The following STK32C variants were observed in gnomAD, a reference collection of about 807,000 sequenced individuals.
STK32C encodes serine/threonine-protein kinase 32C.
In STK32C, 31 loss-of-function variants were observed where a neutral mutation model predicts 56.5. The ratio of observed to expected loss-of-function variants is 0.55; its 90% CI spans 0.41 to 0.74. The LOEUF (loss-of-function observed/expected upper bound fraction) is 0.74, where lower values mean the gene tolerates loss of function less well. Ranked by LOEUF, STK32C falls within the 30% of genes least tolerant of loss-of-function variation. STK32C has a pLI of 0.00. For missense variants in STK32C, 544 were observed against 676.9 expected (o/e 0.80, Z 2.18); for synonymous variants, 309 against 289.4 (o/e 1.07, Z -0.69).
chr10:132,271,920 G>A (rs1590346957), intron 1 of STK32C, among the ~76,000 whole-genome samples: 1 of 152,236 alleles, frequency 6.6e-6, no homozygotes, highest in East Asian at 1.9e-4. Flanking sequence ...CCACTGCTCA[G>A]TGCCCGGACG....
chr10:132,285,457 G>A (rs904003190), intron 1 of STK32C, among the ~76,000 whole-genome samples: 1 of 152,198 alleles, frequency 6.6e-6, no homozygotes, highest in Non-Finnish European at 1.5e-5. Flanking sequence ...CTATATATTT[G>A]TAAAAGATGT....
At chr10:132,236,144 G>A (rs1269525072) in intron 2 of STK32C, among the ~76,000 whole-genome samples, 3 of 150,674 alleles carry the variant, frequency 2.0e-5, no homozygotes, top group South Asian at 4.2e-4. Context: ...TGCTTCCGTG[G>A]CCCCAAAGCC....
Position 132,212,020 on chromosome 10 carries a change from G to C in STK32C, c.1252-2919C>G, listed in dbSNP as rs184926743. Among the ~76,000 whole-genome samples, 1,129 of 152,190 alleles carry C rather than the reference G, an allele frequency of 7.4e-3. 14 individuals are homozygous for C. The highest frequency in any genetic ancestry group is 0.011 in the Non-Finnish European group (757 of 68,008). ...TCGGACCCCAGATGTCACCCACAGC[G>C]AGGAGGGGCCTGGGAAATGGAGCAG... is the stretch of plus-strand genomic sequence containing the variant. On this transcript the variant is annotated intron_variant, in intron 10 of 11. Transcript: ENST00000298630.
chr10:132,239,679 C>T lies in STK32C; in HGVS notation c.318+6221G>A, dbSNP rs372950780. Among the ~76,000 whole-genome samples the T allele has an allele frequency of 1.3e-4, 20 of 152,344 alleles. No homozygotes were observed. The East Asian group carries it at 2.1e-3, about 16-fold the overall frequency. ...GCAGTGACTGCAGCAGCCCCTGCCC[C>T]GGGAGCCCGGCAGCAGGCCAGCAGA... is the stretch of plus-strand genomic sequence containing the variant. On this transcript the variant is annotated intron_variant, in intron 2 of 11. Transcript: ENST00000298630.
At chr10:132,212,713 AAC>A (rs1447946402) in intron 10 of STK32C, among the ~76,000 whole-genome samples, 3 of 152,268 alleles carry the variant, frequency 2.0e-5, no homozygotes, top group South Asian at 2.1e-4. Context: ...CCGACGAAGA[AAC>A]ACAGAGACGA....
At chr10:132,273,528 T>C (rs1473937397) in intron 1 of STK32C, among the ~76,000 whole-genome samples, 1 of 150,886 alleles carries the variant, frequency 6.6e-6, no homozygotes, top group African/African-American at 2.5e-5. Context: ...GAATGGGGAG[T>C]TAGCAAATGA....
intron 1 of STK32C, chr10:132,248,915 AG>A: frequency 4.4e-6 from 2 of 455,752 alleles, no homozygotes; most frequent in Admixed American, 4.7e-5. Flanking sequence ...AATAAGCACA[AG>A]TTCCCAAGGT....
rs774419162 is a variant in STK32C at position 132,245,882 on chromosome 10, C to T, written c.318+18G>A. ...CCCTGCCCCCTCAGCCCAGTCCCCA[C>T]CCCAGGCCCTGCCTTACCTTGCCAA... On this transcript the variant is annotated intron_variant, in intron 2 of 11. Transcript: ENST00000298630. 2.5e-6 allele frequency: 4 copies of T among 1,611,274 alleles called. No individual in the cohort carries two copies. Among genetic ancestry groups the T allele is most frequent in the Non-Finnish European group, 8.5e-7 (1 of 1,179,782 alleles).
At chr10:132,302,876 G>A (rs748547161) in intron 1 of STK32C, among the ~76,000 whole-genome samples, 3 of 152,146 alleles carry the variant, frequency 2.0e-5, no homozygotes, top group Non-Finnish European at 4.4e-5. Flanking sequence ...AGGAAAGAAC[G>A]AGGCAAAACC....
At chr10:132,270,116 C>T (rs1000128260) in intron 1 of STK32C, among the ~76,000 whole-genome samples, 2 of 152,242 alleles carry the variant, frequency 1.3e-5, no homozygotes, top group African/African-American at 4.8e-5. Context: ...GCAGCACCCA[C>T]GTGAGGAGGA....
At chr10:132,284,766 T>G (rs1488852567) in intron 1 of STK32C, among the ~76,000 whole-genome samples, 1 of 148,342 alleles carries the variant, frequency 6.7e-6, no homozygotes, top group African/African-American at 2.5e-5. Context: ...CAGAACACAT[T>G]CCCACGTCTG....
At chr10:132,251,154 G>C (rs1209288107) in intron 1 of STK32C, among the ~76,000 whole-genome samples, 2 of 152,168 alleles carry the variant, frequency 1.3e-5, no homozygotes, top group South Asian at 4.1e-4. Context: ...GCCACCATGT[G>C]GTCACCCAAC....
intron 1 of STK32C, among the ~76,000 whole-genome samples, chr10:132,266,136 C>T (rs1192577567): frequency 6.6e-6 from 1 of 152,154 alleles, no homozygotes; most frequent in Non-Finnish European, 1.5e-5. Context: ...GATGGAATAC[C>T]ACTAGGGGAC....
At chr10:132,280,823 T>C (rs2065173051) in intron 1 of STK32C, among the ~76,000 whole-genome samples, 1 of 141,988 alleles carries the variant, frequency 7.0e-6, no homozygotes, top group Non-Finnish European at 1.5e-5. Context: ...CTGCGCTCCA[T>C]GACCATGTCC....
At chr10:132,280,318 C>A (rs776692345) in intron 1 of STK32C, among the ~76,000 whole-genome samples, 9 of 147,226 alleles carry the variant, frequency 6.1e-5, no homozygotes, top group Non-Finnish European at 9.0e-5. Context: ...GATCATGCCA[C>A]TGCACTCCCT....
intron 1 of STK32C, among the ~76,000 whole-genome samples, chr10:132,283,956 G>A (rs1365705254): frequency 6.6e-6 from 1 of 152,096 alleles, no homozygotes; most frequent in Non-Finnish European, 1.5e-5. Flanking sequence ...GATGGTCAGA[G>A]GCAAGTACAC....
intron 1 of STK32C, among the ~76,000 whole-genome samples, chr10:132,270,865 T>C (rs1013838773): frequency 1.3e-5 from 2 of 151,936 alleles, no homozygotes; most frequent in African/African-American, 4.8e-5. Flanking sequence ...ACACACCTGG[T>C]GAGGACCCAC....
intron 1 of STK32C, among the ~76,000 whole-genome samples, chr10:132,267,533 G>A (rs946680735): frequency 1.3e-5 from 2 of 151,474 alleles, no homozygotes; most frequent in South Asian, 4.2e-4. Context: ...GTGTGTGCAT[G>A]CATGTTCAGC....
chr10:132,274,109 G>A (rs2064922769), intron 1 of STK32C, among the ~76,000 whole-genome samples: 1 of 152,220 alleles, frequency 6.6e-6, no homozygotes, highest in South Asian at 2.1e-4. Flanking sequence ...CAACCTACAA[G>A]GAGAATGCAT....
Sources: gnomAD v4.1 joint callset for allele counts (sites outside exome capture counted in the v4.1 genomes callset) on GRCh38, gnomAD v4.1.1 for gene constraint, MANE v1.5 for transcripts, NCBI Gene and HGNC (gene_info 2026-07-23, HGNC 2026-07-21) for gene names.